The following GPHN variants were observed in gnomAD, a reference collection of about 807,000 sequenced individuals.
GPHN encodes gephyrin.
In GPHN, 17 loss-of-function variants were observed where a neutral mutation model predicts 95.5. That is an observed-to-expected ratio of 0.18 (90% CI 0.12 to 0.27). The LOEUF (loss-of-function observed/expected upper bound fraction) is 0.27, where lower values mean the gene tolerates loss of function less well. Among genes scored for constraint, GPHN ranks in the 10% least tolerant of loss-of-function variants. The pLI, the probability that GPHN is intolerant of heterozygous loss-of-function variation, is 1.00. For synonymous variants in GPHN, 320 were observed against 322.5 expected (o/e 0.99, Z 0.08); for missense variants, 660 against 978.1 (o/e 0.67, Z 4.34).
chr14:67,426,748 T>G, the GPHN span, among the ~76,000 whole-genome samples: 4 of 152,180 alleles, frequency 2.6e-5, no homozygotes, highest in African/African-American at 4.8e-5. Flanking sequence ...GCTAATTTTG[T>G]ATTTTCAGTG....
chr14:67,162,471 C>T (rs1285422287), intron 19 of GPHN, among the ~76,000 whole-genome samples: 4 of 152,166 alleles, frequency 2.6e-5, no homozygotes, highest in Admixed American at 6.5e-5. Flanking sequence ...GCTATTTCCA[C>T]GTAACAGTGC....
At chr14:67,268,235 T>A in the GPHN span, among the ~76,000 whole-genome samples, 1 of 152,234 alleles carries the variant, frequency 6.6e-6, no homozygotes, top group Non-Finnish European at 1.5e-5. Flanking sequence ...ATTGTCACTT[T>A]TTAATTTTAG....
chr14:67,225,967 G>A, the GPHN span, among the ~76,000 whole-genome samples: 4 of 147,794 alleles, frequency 2.7e-5, no homozygotes, highest in Non-Finnish European at 4.5e-5. Flanking sequence ...GTGTGTGCGC[G>A]CGCGCGCGTG....
chr14:66,947,075 C>G lies in GPHN; in HGVS notation c.829-18116C>G, dbSNP rs565500859. ...ATTCATTGTTACCAAAACTCCTTGA[C>G]ATGTTCTGCTAAATTCTGTATAATC... On this transcript the variant is annotated intron_variant, in intron 8 of 22. Transcript: ENST00000478722. 3.3e-5 allele frequency among the ~76,000 whole-genome samples: 5 copies of G among 152,328 alleles called. No individual in the cohort carries two copies. In the East Asian group the frequency reaches 7.7e-4, roughly 23 times the overall value.
intron 9 of GPHN, among the ~76,000 whole-genome samples, chr14:66,971,646 AATTTAC>A (rs1440931327): frequency 6.6e-6 from 1 of 152,150 alleles, no homozygotes; most frequent in Admixed American, 6.5e-5. Context: ...CCATACCAAA[AATTTAC>A]AATTTTTAGT....
At chr14:67,630,791 G>GCTGGT in the GPHN span, among the ~76,000 whole-genome samples, 1 of 152,044 alleles carries the variant, frequency 6.6e-6, no homozygotes, top group South Asian at 2.1e-4. Flanking sequence ...TCTTGGCCAG[G>GCTGGT]CTGGTCTGGT....
intron 12 of GPHN, among the ~76,000 whole-genome samples, chr14:67,094,533 T>G (rs1336095566): frequency 6.6e-6 from 1 of 152,200 alleles, no homozygotes; most frequent in East Asian, 1.9e-4. Flanking sequence ...TCATCTTTTC[T>G]AATGACGTAC....
At chr14:67,706,928 C>G in the GPHN span, among the ~76,000 whole-genome samples, 1 of 152,048 alleles carries the variant, frequency 6.6e-6, no homozygotes, top group South Asian at 2.1e-4. Flanking sequence ...GTCTCATGTC[C>G]TATGCAGAGA....
At chr14:66,744,223 T>G (rs1362595166) in intron 2 of GPHN, among the ~76,000 whole-genome samples, 2 of 152,224 alleles carry the variant, frequency 1.3e-5, no homozygotes, top group African/African-American at 4.8e-5. Context: ...AATTTAATTT[T>G]ATTACGCTAC....
At chr14:66,668,564 G>A (rs2066105198) in intron 1 of GPHN, among the ~76,000 whole-genome samples, 1 of 152,160 alleles carries the variant, frequency 6.6e-6, no homozygotes, top group South Asian at 2.1e-4. Context: ...TCTTACTTAG[G>A]AATGGGAACT....
At chr14:67,702,826 T>C in the GPHN span, among the ~76,000 whole-genome samples, 4 of 152,148 alleles carry the variant, frequency 2.6e-5, no homozygotes, top group Admixed American at 2.0e-4. Flanking sequence ...TTTTGATTTG[T>C]CTTTTGAAAC....
chr14:67,044,836 G>T (rs61989649), intron 10 of GPHN, among the ~76,000 whole-genome samples: 1 of 150,530 alleles, frequency 6.6e-6, no homozygotes, highest in Non-Finnish European at 1.5e-5. Context: ...CTCTCTGTTG[G>T]TGTGTCTCTG....
At position 66,725,840 on chromosome 14, in the gene GPHN, C is replaced by T. The variant is rs76747888; in HGVS notation, c.143+44655C>T. Among the ~76,000 whole-genome samples, 669 of 152,256 alleles carry T rather than the reference C, an allele frequency of 4.4e-3. 13 individuals are homozygous for T. The highest frequency in any genetic ancestry group is 0.015 in the African/African-American group (642 of 41,534). On this transcript the variant is annotated intron_variant, in intron 2 of 22. Coordinates refer to ENST00000478722, the MANE Select transcript of GPHN (RefSeq NM_020806.5). Reference sequence around the variant, plus strand: ...CTGTTTTGAATGTTTAACACAGAGTCACAAGATAGTCATGTATGCATGCCT... The same window carrying T: ...CTGTTTTGAATGTTTAACACAGAGTTACAAGATAGTCATGTATGCATGCCT...
the GPHN span, among the ~76,000 whole-genome samples, chr14:67,285,079 T>C: frequency 6.6e-6 from 1 of 152,152 alleles, no homozygotes; most frequent in Non-Finnish European, 1.5e-5. Context: ...TGGAAACTGA[T>C]GTAATTTCCT....
intron 1 of GPHN, among the ~76,000 whole-genome samples, chr14:66,530,183 C>T (rs1343803574): frequency 1.3e-5 from 2 of 152,150 alleles, no homozygotes; most frequent in Non-Finnish European, 1.5e-5. Flanking sequence ...CTGGCTACAG[C>T]GGCTTGGCTG....
chr14:66,769,636 T>C (rs1029191622), intron 2 of GPHN, among the ~76,000 whole-genome samples: 2 of 152,164 alleles, frequency 1.3e-5, no homozygotes, highest in African/African-American at 2.4e-5. Flanking sequence ...TCCATCCAAG[T>C]CCCTGCAAAG....
At chr14:67,190,209 C>T in the GPHN span, among the ~76,000 whole-genome samples, 1 of 147,450 alleles carries the variant, frequency 6.8e-6, no homozygotes, top group Non-Finnish European at 1.5e-5. Flanking sequence ...GCCACTGTGC[C>T]CAGCCTTTTG....
chr14:67,589,977 T>C, the GPHN span: 12 of 1,434,728 alleles, frequency 8.4e-6, no homozygotes, highest in Non-Finnish European at 1.1e-5. Flanking sequence ...TAATGGTTCC[T>C]AGGACTGTGT....
At chr14:66,717,344 G>T (rs1054410974) in intron 2 of GPHN, among the ~76,000 whole-genome samples, 1 of 152,048 alleles carries the variant, frequency 6.6e-6, no homozygotes, top group African/African-American at 2.4e-5. Context: ...GTTTCCTGAA[G>T]TTTTGATTGT....
Sources: gnomAD v4.1 joint callset for allele counts (sites outside exome capture counted in the v4.1 genomes callset) on GRCh38, gnomAD v4.1.1 for gene constraint, MANE v1.5 for transcripts, NCBI Gene and HGNC (gene_info 2026-07-23, HGNC 2026-07-21) for gene names.